Variants in KDM4C observed in about 807,000 individuals in gnomAD.
KDM4C encodes the protein lysine-specific demethylase 4C.
A neutral mutation model predicts 129.3 loss-of-function variants in KDM4C; 81 were observed. The ratio of observed to expected loss-of-function variants is 0.63; its 90% CI spans 0.52 to 0.75. KDM4C has a LOEUF of 0.75. KDM4C is among the 30% of genes least tolerant of loss of function. KDM4C has a pLI of 0.00. For synonymous variants in KDM4C, 573 were observed against 456.1 expected, an observed-to-expected ratio of 1.26 and a Z score of -3.26; for missense variants, 1,457 against 1,304.0, an observed-to-expected ratio of 1.12 and a Z score of -1.81.
chr9:7,050,495 C>G (rs1023875088), intron 17 of KDM4C, among the ~76,000 whole-genome samples: 2 of 137,382 alleles, frequency 1.5e-5, no homozygotes, highest in African/African-American at 5.3e-5. Context: ...AGAATTAGGA[C>G]TATAAGATAT....
rs1408483141 is a variant in KDM4C at position 6,800,801 on chromosome 9, A to AT, written c.145-4791dup. Among the ~76,000 whole-genome samples, 8 of 151,708 alleles carry AT rather than the reference A, an allele frequency of 5.3e-5. No individual in the cohort carries two copies. In the East Asian group the frequency reaches 1.6e-3, roughly 30 times the overall value. On this transcript the variant is annotated intron_variant, in intron 2 of 21. Coordinates refer to ENST00000381309, the MANE Select transcript of KDM4C (RefSeq NM_015061.6). Reference sequence around the variant, plus strand: ...GCCACCACACCTGGCTAATTTTTGTATTTTTTTGTAGAGCTGAGCTTTCGC... The same window carrying AT: ...GCCACCACACCTGGCTAATTTTTGTATTTTTTTTGTAGAGCTGAGCTTTCGC...
At chr9:6,798,555 G>A (rs1828204954) in intron 2 of KDM4C, among the ~76,000 whole-genome samples, 1 of 151,948 alleles carries the variant, frequency 6.6e-6, no homozygotes, top group South Asian at 2.1e-4. Context: ...CAGGGTTGGG[G>A]GTAAGGTCAT....
Position 7,166,785 on chromosome 9 carries a change from C to G in KDM4C, c.2901+1428C>G, listed in dbSNP as rs186213556. On this transcript the variant is annotated intron_variant, in intron 20 of 21. Transcript: ENST00000381309. Reference sequence around the variant, plus strand: ...GTTGAAATTCAGGCTAATTAGTAATCAGTGTGTTAACTTCAGTTGAATTTA... The same window carrying G: ...GTTGAAATTCAGGCTAATTAGTAATGAGTGTGTTAACTTCAGTTGAATTTA... 8.4e-4 allele frequency among the ~76,000 whole-genome samples: 128 copies of G among 152,250 alleles called. 1 individual carries two copies. Among genetic ancestry groups the G allele is most frequent in the Non-Finnish European group, 1.3e-3 (89 of 68,022 alleles).
chr9:7,067,803 C>T (rs1040436158), intron 17 of KDM4C, among the ~76,000 whole-genome samples: 3 of 149,562 alleles, frequency 2.0e-5, no homozygotes, highest in African/African-American at 7.4e-5. Context: ...TGATTTTTGA[C>T]TTTTTTTTTT....
chr9:6,842,280 G>C (rs1403065515), intron 4 of KDM4C, among the ~76,000 whole-genome samples: 1 of 149,154 alleles, frequency 6.7e-6, no homozygotes, highest in Non-Finnish European at 1.5e-5. Flanking sequence ...TTGCAGATTT[G>C]GCCACAGATT....
intron 17 of KDM4C, among the ~76,000 whole-genome samples, chr9:7,086,692 C>T (rs1252341803): frequency 6.6e-6 from 1 of 152,224 alleles, no homozygotes; most frequent in Non-Finnish European, 1.5e-5. Context: ...CAGCAGATTC[C>T]TGAGATCATG....
intron 21 of KDM4C, chr9:7,170,139 T>G (rs1344893102): frequency 4.4e-6 from 6 of 1,367,114 alleles, no homozygotes; most frequent in Non-Finnish European, 9.6e-7. Context: ...TTGACATTTA[T>G]TGGTGCACAA....
chr9:6,732,392 AAAAAAAAAAGAAT>A (rs1256136944), intron 1 of KDM4C, among the ~76,000 whole-genome samples: 46 of 119,332 alleles, frequency 3.9e-4, no homozygotes, highest in South Asian at 2.1e-3. Context: ...AAAAAAAAAA[AAAAAAAAAAGAAT>A]GAGGCCGGAA....
Position 7,055,818 on chromosome 9 carries a change from C to T in KDM4C, c.2424+6618C>T, listed in dbSNP as rs1442536769. 3.3e-5 allele frequency among the ~76,000 whole-genome samples: 5 copies of T among 152,136 alleles called. No homozygotes were observed. The South Asian group carries it at 8.3e-4, about 25-fold the overall frequency. ...CTGCCTCTTGTGCTGTAAGATCACT[C>T]AGAGTTCTATTTAGTTAATGTTACA... On this transcript the variant is annotated intron_variant, in intron 17 of 21. Coordinates refer to ENST00000381309, the MANE Select transcript of KDM4C (RefSeq NM_015061.6).
chr9:7,141,672 G>A (rs898012013), intron 19 of KDM4C, among the ~76,000 whole-genome samples: 5 of 152,164 alleles, frequency 3.3e-5, no homozygotes, highest in African/African-American at 9.7e-5. Flanking sequence ...AGGATGATGA[G>A]TTCAGACTTG....
intron 1 of KDM4C, among the ~76,000 whole-genome samples, chr9:6,769,246 T>C (rs1156368644): frequency 1.3e-5 from 2 of 151,980 alleles, no homozygotes; most frequent in Non-Finnish European, 2.9e-5. Context: ...TTAAATAACA[T>C]GTCATACATT....
chr9:7,084,531 T>C (rs1353839631), intron 17 of KDM4C, among the ~76,000 whole-genome samples: 1 of 152,230 alleles, frequency 6.6e-6, no homozygotes, highest in Non-Finnish European at 1.5e-5. Flanking sequence ...ATTATGGCTT[T>C]GTGTAGGTCT....
At chr9:6,899,540 GGGGTGTGTGTGTGT>G (rs1252202558) in intron 8 of KDM4C, among the ~76,000 whole-genome samples, 18 of 64,612 alleles carry the variant, frequency 2.8e-4, no homozygotes, top group African/African-American at 8.4e-4. Flanking sequence ...CTTTTCCATG[GGGGTGTGTGTGTGT>G]GTGTGTGTGT....
chr9:6,759,940 CAAAAA>C (rs1178745095), intron 1 of KDM4C, among the ~76,000 whole-genome samples: 1 of 78,798 alleles, frequency 1.3e-5, no homozygotes. Flanking sequence ...GACTCCATCT[CAAAAA>C]AAAAAAAAAG....
intron 5 of KDM4C, among the ~76,000 whole-genome samples, chr9:6,858,846 A>G (rs1187892092): frequency 1.3e-5 from 2 of 150,172 alleles, no homozygotes; most frequent in African/African-American, 4.9e-5. Flanking sequence ...TTTTTTTGGT[A>G]TCTCTTTTTT....
chr9:6,735,285 C>T (rs184170662), intron 1 of KDM4C, among the ~76,000 whole-genome samples: 53 of 152,214 alleles, frequency 3.5e-4, no homozygotes, highest in East Asian at 1.7e-3. Flanking sequence ...GGACACAGGG[C>T]GCTGGCATCT....
At chr9:6,787,434 T>C (rs573562570) in intron 1 of KDM4C, among the ~76,000 whole-genome samples, 3 of 152,342 alleles carry the variant, frequency 2.0e-5, no homozygotes, top group African/African-American at 7.2e-5. Flanking sequence ...GGTTTTGCCA[T>C]GTTGGCCAGG....
chr9:6,900,990 T>A (rs1453915428), intron 8 of KDM4C, among the ~76,000 whole-genome samples: 2 of 152,030 alleles, frequency 1.3e-5, no homozygotes, highest in African/African-American at 2.4e-5. Context: ...TTTAATGCCT[T>A]AGTTTGGACT....
At chr9:6,939,116 C>T (rs1460845161) in intron 8 of KDM4C, among the ~76,000 whole-genome samples, 1 of 151,536 alleles carries the variant, frequency 6.6e-6, no homozygotes, top group Non-Finnish European at 1.5e-5. Flanking sequence ...GTTCCAGTGG[C>T]CTGTTAGGAA....
Sources: allele counts gnomAD v4.1 joint callset (sites outside exome capture counted in the v4.1 genomes callset), GRCh38; gene constraint gnomAD v4.1.1; transcripts MANE v1.5; gene names NCBI Gene and HGNC (gene_info 2026-07-23, HGNC 2026-07-21).